Variants in ERBB4 observed in about 807,000 individuals in gnomAD.
ERBB4 encodes the protein receptor tyrosine-protein kinase erbB-4.
Under a neutral mutation model 158.0 loss-of-function variants are expected in ERBB4, and 42 were observed. The observed-to-expected ratio is 0.27, with a 90% CI of 0.21 to 0.34. ERBB4 has a LOEUF of 0.34. Among genes scored for constraint, ERBB4 ranks in the 10% least tolerant of loss-of-function variants. The pLI is 1.00. For synonymous variants in ERBB4, 583 were observed against 558.7 expected (o/e 1.04, Z -0.61); for missense variants, 1,333 against 1,624.1 (o/e 0.82, Z 3.08).
At chr2:212,352,329 A>G (rs1321070851) in intron 1 of ERBB4, among the ~76,000 whole-genome samples, 2 of 151,812 alleles carry the variant, frequency 1.3e-5, no homozygotes, top group Non-Finnish European at 2.9e-5. Context: ...AAAAGTTAAA[A>G]AAAAAAAAAC....
At chr2:211,773,626 ATATATATATAT>A (rs1648588014) in intron 4 of ERBB4, among the ~76,000 whole-genome samples, 1 of 78,550 alleles carries the variant, frequency 1.3e-5, no homozygotes, top group African/African-American at 6.6e-5. Context: ...ATATATATAT[ATATATATATAT>A]ATATATATAT....
At chr2:211,887,899 A>G (rs976301841) in intron 3 of ERBB4, among the ~76,000 whole-genome samples, 6 of 152,184 alleles carry the variant, frequency 3.9e-5, no homozygotes, top group African/African-American at 1.4e-4. Context: ...TGATTTTCAA[A>G]TATCTTCTAC....
At chr2:211,396,351 T>C (rs550909261) in intron 25 of ERBB4, among the ~76,000 whole-genome samples, 12 of 152,272 alleles carry the variant, frequency 7.9e-5, no homozygotes, top group African/African-American at 2.9e-4. Context: ...CATGCAGATA[T>C]TGTTTATCAA....
chr2:212,206,240 C>T (rs374353415), intron 1 of ERBB4, among the ~76,000 whole-genome samples: 18 of 152,192 alleles, frequency 1.2e-4, no homozygotes, highest in African/African-American at 4.3e-4. Flanking sequence ...CTGACACAAG[C>T]TGGGGAGGGT....
chr2:211,985,835 A>G (rs1386402098), intron 2 of ERBB4, among the ~76,000 whole-genome samples: 7 of 152,162 alleles, frequency 4.6e-5, no homozygotes, highest in African/African-American at 7.2e-5. Context: ...CTAAAGCTCT[A>G]AAGTCATCAC....
At chr2:212,419,770 C>T (rs2091750507) in intron 1 of ERBB4, among the ~76,000 whole-genome samples, 1 of 151,720 alleles carries the variant, frequency 6.6e-6, no homozygotes. Flanking sequence ...GGCAATCAAT[C>T]CATACATAGA....
chr2:211,861,015 TTTATATATATA>T lies in ERBB4; in HGVS notation c.422-72867_422-72857del, dbSNP rs1289932749. 4.3e-3 allele frequency among the ~76,000 whole-genome samples: 52 copies of T among 12,074 alleles called. 5 individuals carry two copies. Among genetic ancestry groups the T allele is most frequent in the Non-Finnish European group, 5.6e-3 (47 of 8,462 alleles). The allele number at this position is 12,074 out of a possible 152,430, so 7.9% of individuals were successfully genotyped here. A position where few individuals can be genotyped will look rare whatever the true frequency, so the allele number is the denominator to read the frequency against. The stretch of plus-strand genomic sequence containing the variant: ...ATATAATATATTATATATTTATATA[TTTATATATATA>T]TAAATATAATATATTTATATATTTA... On this transcript the variant is annotated intron_variant, in intron 3 of 27. Transcript: ENST00000342788.
chr2:212,014,230 T>TA (rs1330959582), intron 2 of ERBB4, among the ~76,000 whole-genome samples: 1 of 152,240 alleles, frequency 6.6e-6, no homozygotes, highest in African/African-American at 2.4e-5. Context: ...AATGTTAATC[T>TA]ACTCAGCCTA....
At chr2:211,716,840 T>G (rs1325412160) in intron 7 of ERBB4, among the ~76,000 whole-genome samples, 1 of 152,180 alleles carries the variant, frequency 6.6e-6, no homozygotes, top group Non-Finnish European at 1.5e-5. Context: ...AATACTGAAG[T>G]GCTTTAAATT....
intron 2 of ERBB4, among the ~76,000 whole-genome samples, chr2:211,990,541 A>C (rs1451982917): frequency 6.6e-6 from 1 of 151,392 alleles, no homozygotes; most frequent in East Asian, 1.9e-4. Context: ...TAAATAAATA[A>C]ATAAATAAAT....
chr2:212,335,954 A>T (rs2088420460), intron 1 of ERBB4, among the ~76,000 whole-genome samples: 1 of 152,000 alleles, frequency 6.6e-6, no homozygotes, highest in African/African-American at 2.4e-5. Context: ...CACAGTCTTT[A>T]TTGTACAATG....
At chr2:212,185,594 T>A (rs2125698646) in intron 1 of ERBB4, among the ~76,000 whole-genome samples, 1 of 152,106 alleles carries the variant, frequency 6.6e-6, no homozygotes, top group East Asian at 1.9e-4. Context: ...GGTGGGATGC[T>A]TAGGGAGAAG....
intron 3 of ERBB4, among the ~76,000 whole-genome samples, chr2:211,888,641 G>T (rs2078870465): frequency 1.3e-5 from 2 of 152,092 alleles, no homozygotes; most frequent in African/African-American, 4.8e-5. Context: ...GAGGTACCGG[G>T]TTTCTCTCAC....
At position 211,567,165 on chromosome 2, in the gene ERBB4, G is replaced by A. The variant is rs138306086; in HGVS notation, c.2302-5077C>T. Among the ~76,000 whole-genome samples, 1,052 of 152,206 alleles carry A rather than the reference G, an allele frequency of 6.9e-3. 9 individuals are homozygous for A. The highest frequency in any genetic ancestry group is 0.011 in the Non-Finnish European group (776 of 68,008). ...GAAACCAAAACTCAATGAGATTACC[G>A]GCCCAGGTCATGTGACTTGTTAGTA... On this transcript the variant is annotated intron_variant, in intron 19 of 27. Transcript: ENST00000342788.
chr2:211,515,913 T>TATATATATATATATA (rs71054105), intron 20 of ERBB4, among the ~76,000 whole-genome samples: 14 of 57,332 alleles, frequency 2.4e-4, no homozygotes, highest in Admixed American at 5.4e-4. Flanking sequence ...TATATATATA[T>TATATATATATATATA]TTTTTTTTTT....
At chr2:211,764,842 C>G (rs1209800711) in intron 4 of ERBB4, among the ~76,000 whole-genome samples, 1 of 152,116 alleles carries the variant, frequency 6.6e-6, no homozygotes, top group Non-Finnish European at 1.5e-5. Flanking sequence ...TACAAATGCT[C>G]AGAAAGTTCA....
At chr2:211,801,978 G>C (rs2105891705) in intron 3 of ERBB4, among the ~76,000 whole-genome samples, 1 of 152,308 alleles carries the variant, frequency 6.6e-6, no homozygotes, top group South Asian at 2.1e-4. Flanking sequence ...CTGGAATACA[G>C]GCCGGGCACG....
intron 3 of ERBB4, among the ~76,000 whole-genome samples, chr2:211,920,713 T>A (rs934496013): frequency 7.4e-5 from 5 of 67,232 alleles, no homozygotes; most frequent in African/African-American, 2.3e-4. Context: ...AGCTGTGACT[T>A]TTTTTTTTTT....
At chr2:211,418,819 C>T (rs2063451371) in intron 25 of ERBB4, among the ~76,000 whole-genome samples, 1 of 151,906 alleles carries the variant, frequency 6.6e-6, no homozygotes. Flanking sequence ...GCTTTCTTCC[C>T]CTCTCACAAG....
Sources: allele counts gnomAD v4.1 joint callset (sites outside exome capture counted in the v4.1 genomes callset), GRCh38; gene constraint gnomAD v4.1.1; transcripts MANE v1.5; gene names NCBI Gene and HGNC (gene_info 2026-07-23, HGNC 2026-07-21).